Variants in UXS1 observed in about 807,000 individuals in gnomAD.
UXS1 encodes UDP-glucuronic acid decarboxylase 1.
Under a neutral mutation model 62.6 loss-of-function variants are expected in UXS1, and 33 were observed. That is an observed-to-expected ratio of 0.53 (90% CI 0.40 to 0.70). The LOEUF (loss-of-function observed/expected upper bound fraction) is 0.70. Among genes scored for constraint, UXS1 ranks in the 30% least tolerant of loss-of-function variants. The pLI, the probability that UXS1 is intolerant of heterozygous loss-of-function variation, is 0.00. For missense variants in UXS1, 434 were observed against 556.3 expected (o/e 0.78, Z 2.21); for synonymous variants, 213 against 206.8 (o/e 1.03, Z -0.26).
At chr2:106,117,244 C>A (rs1207061796) in intron 9 of UXS1, among the ~76,000 whole-genome samples, 1 of 152,216 alleles carries the variant, frequency 6.6e-6, no homozygotes, top group Non-Finnish European at 1.5e-5. Context: ...TAGGCTCTGG[C>A]CACCTGAGAG....
intron 1 of UXS1, among the ~76,000 whole-genome samples, chr2:106,192,665 C>T (rs1293541929): frequency 3.3e-5 from 5 of 152,094 alleles, no homozygotes; most frequent in East Asian, 1.9e-4. Flanking sequence ...AACTGCTGTT[C>T]GAAGACCTGG....
At chr2:106,126,791 G>A (rs954251155) in intron 7 of UXS1, among the ~76,000 whole-genome samples, 2 of 152,112 alleles carry the variant, frequency 1.3e-5, no homozygotes, top group South Asian at 2.1e-4. Context: ...TCAGGACATT[G>A]ACATTGATAT....
In UXS1 at chr2:106,145,349, C is replaced by T. The variant is rs1176279728; in HGVS notation, c.313G>A (p.Val105Met). The change falls in exon 6 of 15, where the codon GTG (valine) becomes ATG (methionine). Residue 105 changes from valine (V) to methionine (M), a missense_variant. Transcript: ENST00000283148. ...AGTTTGTCAGTTAGATGGGAGCCCA[C>T]GAACCCTGCGCCTCCTGTTATCTGC... Reference protein sequence around the residue: ...RILITGGAGFVGSHLTDKLMM... With the variant: ...RILITGGAGFMGSHLTDKLMM... 15 of 1,613,372 alleles carry T rather than the reference C, an allele frequency of 9.3e-6. No homozygotes were observed. Among genetic ancestry groups the T allele is most frequent in the East Asian group, 2.2e-5 (1 of 44,852 alleles).
In UXS1 at chr2:106,190,817, C is replaced by A. The variant is rs561221444; in HGVS notation, c.94+3331G>T. On this transcript the variant is annotated intron_variant, in intron 1 of 14. Coordinates refer to ENST00000283148, the MANE Select transcript of UXS1 (RefSeq NM_001253875.2). ...ATGGTGGCAGGGGATACTGTTTGGC[C>A]CTGCAGAAGCTATTTAACTTTTTAC... 2.0e-5 allele frequency among the ~76,000 whole-genome samples: 3 copies of A among 151,044 alleles called. No homozygotes were observed. The East Asian group carries it at 5.9e-4, about 29-fold the overall frequency.
At chr2:106,104,952 A>G in intron 10 of UXS1, 115 bp from the exon 11 acceptor site, 1 of 1,251,906 alleles carries the variant, frequency 8.0e-7, no homozygotes, top group East Asian at 2.3e-5. Context: ...GGGGGCAGTG[A>G]TGCTGACTCA....
chr2:106,193,999 G>C (rs1458998200), intron 1 of UXS1, 149 bp downstream of exon 1: 3 of 460,942 alleles, frequency 6.5e-6, no homozygotes, highest in African/African-American at 2.1e-5. Flanking sequence ...AGTGGAAAGG[G>C]GTGGGAGCAG....
chr2:106,097,286 G>C (rs916404402), intron 13 of UXS1: 5 of 445,690 alleles, frequency 1.1e-5, no homozygotes, highest in Non-Finnish European at 2.3e-5. Flanking sequence ...CCCAAGATGT[G>C]CAGCCACCCA....
At chr2:106,138,548 G>A (rs546832682) in intron 6 of UXS1, 123 of 985,326 alleles carry the variant, frequency 1.2e-4, no homozygotes, top group South Asian at 1.1e-3. Context: ...ACCCCTCCAC[G>A]GTGCTCTGGC....
intron 10 of UXS1, among the ~76,000 whole-genome samples, chr2:106,105,625 A>C (rs1677993209): frequency 6.6e-6 from 1 of 152,186 alleles, no homozygotes; most frequent in African/African-American, 2.4e-5. Context: ...TGAACTCCCC[A>C]GAAGGACTGG....
intron 1 of UXS1, among the ~76,000 whole-genome samples, chr2:106,193,335 A>G (rs568795253): frequency 6.6e-6 from 1 of 152,260 alleles, no homozygotes; most frequent in South Asian, 2.1e-4. Flanking sequence ...TAACGTATTA[A>G]TAGCATCAAT....
At chr2:106,177,299 G>A (rs999824861) in intron 1 of UXS1, among the ~76,000 whole-genome samples, 4 of 150,976 alleles carry the variant, frequency 2.6e-5, no homozygotes, top group South Asian at 2.1e-4. Flanking sequence ...GGGTTCAAGC[G>A]ATTCTCCTGT....
intron 13 of UXS1, chr2:106,097,427 G>A (rs539990810): frequency 1.1e-5 from 4 of 349,854 alleles, no homozygotes; most frequent in Non-Finnish European, 1.7e-5. Context: ...AAAGCCTGTG[G>A]AGGCTTTCCC....
chr2:106,159,989 C>G (rs78876233), intron 4 of UXS1: 1 of 152,196 alleles, frequency 6.6e-6, no homozygotes, highest in Admixed American at 6.5e-5. Flanking sequence ...TGGGGCTCCC[C>G]CTTGTGAGCT....
In UXS1 at chr2:106,164,861, C is replaced by A. The variant is rs939785978; in HGVS notation, c.123-62G>T. The A allele has an allele frequency of 9.4e-6, 12 of 1,272,656 alleles. No homozygotes were observed. The Admixed American group carries it at 1.9e-4, about 20-fold the overall frequency. The allele number at this position is 1,272,656 out of a possible 1,614,324, so 78.8% of individuals were successfully genotyped here. On this transcript the variant is annotated intron_variant, in intron 2 of 14. Transcript: ENST00000283148. ...TTAAGACTGTTTCTGAATAAATTAC[C>A]CTAACATAACCCAACGGATGCAGAC...
intron 5 of UXS1, among the ~76,000 whole-genome samples, chr2:106,145,811 A>C (rs1393126682): frequency 1.3e-5 from 2 of 152,246 alleles, no homozygotes; most frequent in Admixed American, 6.5e-5. Context: ...ACCAAGAAAA[A>C]AAAACTTAAT....
chr2:106,095,633 G>A (rs559031297), intron 14 of UXS1, among the ~76,000 whole-genome samples: 1 of 152,348 alleles, frequency 6.6e-6, no homozygotes, highest in East Asian at 1.9e-4. Flanking sequence ...TCTGACAGGT[G>A]CCGGGCTCCT....
rs546716905 is a variant in UXS1 at position 106,108,653 on chromosome 2, T to G, written c.880-3816A>C. ...TTCGTGCAAGAGTCAAGGCTGCTAC[T>G]GGGGGCCGGGGAACGAAGGGCTGTG... On this transcript the variant is annotated intron_variant, in intron 10 of 14. Coordinates refer to ENST00000283148, the MANE Select transcript of UXS1 (RefSeq NM_001253875.2). Among the ~76,000 whole-genome samples the G allele has an allele frequency of 3.8e-4, 58 of 152,206 alleles. 1 individual carries two copies. In the South Asian group the frequency reaches 0.011, roughly 30 times the overall value.
At chr2:106,122,935 C>G (rs777012023) in intron 9 of UXS1, 35 bp downstream of exon 9, 2 of 1,610,884 alleles carry the variant, frequency 1.2e-6, no homozygotes, top group African/African-American at 2.7e-5. Flanking sequence ...GTGCTCAGCA[C>G]GCCTAAACCG....
At chr2:106,140,408 A>C (rs1042707805) in intron 6 of UXS1, among the ~76,000 whole-genome samples, 3 of 152,258 alleles carry the variant, frequency 2.0e-5, no homozygotes, top group African/African-American at 7.2e-5. Context: ...AAAATTTCTA[A>C]ATGATACTTC....
Sources: gnomAD v4.1 joint callset for allele counts (sites outside exome capture counted in the v4.1 genomes callset) on GRCh38, gnomAD v4.1.1 for gene constraint, MANE v1.5 for transcripts, NCBI Gene and HGNC (gene_info 2026-07-23, HGNC 2026-07-21) for gene names.